The following BUB3 variants were observed in gnomAD, a reference collection of about 807,000 sequenced individuals.
The protein encoded by BUB3 is BUB3 mitotic checkpoint protein.
BUB3 carries 22 observed loss-of-function variants against 39.9 expected under a neutral mutation model. The ratio of observed to expected loss-of-function variants is 0.55; its 90% CI spans 0.39 to 0.79. The LOEUF (loss-of-function observed/expected upper bound fraction) is 0.79. Ranked by LOEUF, BUB3 falls within the 30% of genes least tolerant of loss-of-function variation. The pLI, the probability that BUB3 is intolerant of heterozygous loss-of-function variation, is 0.00. For synonymous variants in BUB3, 168 were observed against 155.1 expected, an observed-to-expected ratio of 1.08 and a Z score of -0.62; for missense variants, 303 against 415.4, an observed-to-expected ratio of 0.73 and a Z score of 2.35.
In BUB3 at chr10:123,167,790, A is replaced by G. The variant is rs955022515; in HGVS notation, c.*3955A>G. The G allele has an allele frequency of 6.6e-6, 1 of 152,180 alleles. No homozygotes were observed. The highest frequency in any genetic ancestry group is 2.4e-5 in the African/African-American group (1 of 41,438). The allele number at this position is 152,180 out of a possible 1,614,324, so 9.4% of individuals were successfully genotyped here. A position where few individuals can be genotyped will look rare whatever the true frequency, so the allele number is the denominator to read the frequency against. Reference sequence around the variant, plus strand: ...AATTTCTTTATAGCTTCATGGAGGTATTTGATGAAAATTGTATATATTTAA... The same window carrying G: ...AATTTCTTTATAGCTTCATGGAGGTGTTTGATGAAAATTGTATATATTTAA... On this transcript the variant is annotated 3_prime_UTR_variant, in exon 8 of 8. Coordinates refer to ENST00000368865, the MANE Select transcript of BUB3 (RefSeq NM_004725.4).
intron 3 of BUB3, among the ~76,000 whole-genome samples, chr10:123,157,193 A>G (rs1844361130): frequency 6.6e-6 from 1 of 152,248 alleles, no homozygotes. Context: ...AACCAAGTGC[A>G]GTAATGAGAG....
Position 123,164,862 on chromosome 10 carries a change from T to A in BUB3, c.*1027T>A. On this transcript the variant is annotated 3_prime_UTR_variant, in exon 8 of 8. Transcript: ENST00000368865. Reference sequence around the variant, plus strand: ...TATTTTTGTTGTCAAACTTTAAAATTTATATTAATTTGCAAATGTATGTCT... The same window carrying A: ...TATTTTTGTTGTCAAACTTTAAAATATATATTAATTTGCAAATGTATGTCT... The A allele has an allele frequency of 7.4e-7, 1 of 1,358,770 alleles. No homozygotes were observed. Among genetic ancestry groups the A allele is most frequent in the Non-Finnish European group, 9.5e-7 (1 of 1,057,218 alleles). The allele number at this position is 1,358,770 out of a possible 1,614,324, so 84.2% of individuals were successfully genotyped here. A position where few individuals can be genotyped will look rare whatever the true frequency, so the allele number is the denominator to read the frequency against.
chr10:123,158,165 C>T (rs930421039), intron 4 of BUB3, among the ~76,000 whole-genome samples: 3 of 152,196 alleles, frequency 2.0e-5, no homozygotes, highest in Admixed American at 2.0e-4. Context: ...ACTGCCTTTT[C>T]AGAGAAGTCA....
Position 123,157,791 on chromosome 10 carries a change from GT to G in BUB3, c.329del (p.Val110GlyfsTer41). ...TGTTGAATACTGTCCAGAAGTGAAT[GT>G]GATGGTCACTGGAAGTTGGGATCAG... Reference protein sequence around the residue: ...RCVEYCPEVNVMVTGSWDQTV... With the variant: ...RCVEYCPEVNXMVTGSWDQTV... On this transcript the variant is annotated frameshift_variant, in exon 4 of 8. Transcript: ENST00000368865. LOFTEE classifies it high-confidence loss of function. 6.2e-7 allele frequency: 1 copy of G among 1,614,034 alleles called. No individual in the cohort carries two copies. Among genetic ancestry groups the G allele is most frequent in the South Asian group, 1.1e-5 (1 of 91,076 alleles).
chr10:123,162,175 TAGCA>T, intron 5 of BUB3, 57 bp from the exon 6 acceptor site: 1 of 1,485,806 alleles, frequency 6.7e-7, no homozygotes, highest in Non-Finnish European at 9.3e-7. Context: ...ATTTGGGAAT[TAGCA>T]CCTTGTTTTT....
intron 2 of BUB3, 121 bp from the exon 3 acceptor site, chr10:123,155,537 C>A: frequency 1.1e-6 from 1 of 905,526 alleles, no homozygotes. Flanking sequence ...GGTTTGTTTA[C>A]CATGAATAGT....
At chr10:123,155,562 A>G in intron 2 of BUB3, 96 bp from the exon 3 acceptor site, 1 of 1,184,176 alleles carries the variant, frequency 8.4e-7, no homozygotes, top group Non-Finnish European at 1.2e-6. Context: ...CCCAGTGCAT[A>G]TCCCGAGCAT....
At chr10:123,160,757 T>C (rs947076505) in intron 5 of BUB3, among the ~76,000 whole-genome samples, 192 bp downstream of exon 5, 3 of 152,172 alleles carry the variant, frequency 2.0e-5, no homozygotes, top group Non-Finnish European at 4.4e-5. Flanking sequence ...ACCCCCATTT[T>C]AGAGACGACC....
chr10:123,161,493 A>T (rs1489738723), intron 5 of BUB3, among the ~76,000 whole-genome samples: 1 of 152,212 alleles, frequency 6.6e-6, no homozygotes, highest in African/African-American at 2.4e-5. Flanking sequence ...TAATGCCATT[A>T]TATCTAATAT....
rs7920684 is a variant in BUB3, at chr10:123,162,854, G to A, written c.971+26G>A. The stretch of plus-strand genomic sequence containing the variant: ...GTGAGTATGCTTCACCTGTATTTGA[G>A]CCTTTTCTTGCATTCAACCCAGGAT... On this transcript the variant is annotated intron_variant, in intron 7 of 7. Transcript: ENST00000368865. The A allele has an allele frequency of 1.3e-3, 2,093 of 1,588,324 alleles. 18 individuals carry two copies. In the African/African-American group the frequency reaches 0.022, roughly 16 times the overall value.
intron 4 of BUB3, among the ~76,000 whole-genome samples, chr10:123,158,558 G>C (rs1230927711): frequency 1.3e-5 from 2 of 152,148 alleles, no homozygotes; most frequent in Admixed American, 6.5e-5. Flanking sequence ...GCAGTTTAAA[G>C]GTATCCCTCA....
chr10:123,163,418 C>A (rs971544179), intron 7 of BUB3, among the ~76,000 whole-genome samples: 1 of 152,188 alleles, frequency 6.6e-6, no homozygotes, highest in South Asian at 2.1e-4. Context: ...TACTTAATTA[C>A]CTCTACCAGG....
At position 123,165,047 on chromosome 10, in the gene BUB3, G is replaced by T. The variant is rs775715440; in HGVS notation, c.*1212G>T. ...TTGAAATGTATTTTCTTCATTGCAG[G>T]TCCACCTAATCATCCTGTGAAAGTG... On this transcript the variant is annotated 3_prime_UTR_variant, in exon 8 of 8. Transcript: ENST00000368865. The T allele has an allele frequency of 1.9e-6, 3 of 1,612,306 alleles. No individual in the cohort carries two copies. Among genetic ancestry groups the T allele is most frequent in the Non-Finnish European group, 2.5e-6 (3 of 1,179,624 alleles).
chr10:123,155,120 C>T lies in BUB3; in HGVS notation c.195+8C>T, dbSNP rs759901524. ...CTGGACTGCGCCTTCTACGTAGGTG[C>T]CCTCCCGCCCTGCTCCTGCCCTCTT... On this transcript the variant is annotated splice_region_variant and intron_variant, in intron 2 of 7. Coordinates refer to ENST00000368865, the MANE Select transcript of BUB3 (RefSeq NM_004725.4). 2.2e-5 allele frequency: 35 copies of T among 1,611,852 alleles called. No individual in the cohort carries two copies. Among genetic ancestry groups the T allele is most frequent in the Non-Finnish European group, 2.8e-5 (33 of 1,179,022 alleles).
At chr10:123,157,986 A>AG in intron 4 of BUB3, 106 bp downstream of exon 4, 3 of 1,219,520 alleles carry the variant, frequency 2.5e-6, no homozygotes, top group Non-Finnish European at 3.3e-6. Context: ...AAAAGTCAAC[A>AG]TGGGGGGAAA....
chr10:123,158,534 G>A (rs1441358597), intron 4 of BUB3, among the ~76,000 whole-genome samples: 1 of 152,168 alleles, frequency 6.6e-6, no homozygotes, highest in Non-Finnish European at 1.5e-5. Context: ...TAATTTTAAA[G>A]ATTGATTGTT....
In BUB3 at chr10:123,160,546, G is replaced by T. The variant is rs1453580755; in HGVS notation, c.557G>T (p.Arg186Leu). The T allele has an allele frequency of 6.2e-7, 1 of 1,602,102 alleles. No individual in the cohort carries two copies. Among genetic ancestry groups the T allele is most frequent in the African/African-American group, 1.3e-5 (1 of 74,134 alleles). ...CTGAAATACCAGACTCGCTGCATAC[G>T]AGCGTTTCCAAACAAGCAGGTATTG... ...SSLKYQTRCI[R>L]AFPNKQGYVL... Residue 186 changes from arginine (R) to leucine (L), a missense_variant, in exon 5 of 8, where the codon CGA becomes CTA. Arg to Leu is a moderately radical substitution (Grantham distance 102, BLOSUM62 -2). Around this residue, in one of 2 missense-constraint regions of BUB3, gnomAD observed 182 missense variants for 293.1 expected, o/e 0.62. Transcript: ENST00000368865.
At chr10:123,162,044 C>T (rs1201957322) in intron 5 of BUB3, among the ~76,000 whole-genome samples, 192 bp from the exon 6 acceptor site, 1 of 152,186 alleles carries the variant, frequency 6.6e-6, no homozygotes, top group East Asian at 1.9e-4. Context: ...GTGAGGAAAG[C>T]ATGTGATGAG....
At chr10:123,159,329 A>G in intron 4 of BUB3, among the ~76,000 whole-genome samples, 1 of 152,224 alleles carries the variant, frequency 6.6e-6, no homozygotes, top group East Asian at 1.9e-4. Flanking sequence ...CATATGGCTT[A>G]AGTACTGAAT....
Sources: allele counts gnomAD v4.1 joint callset (sites outside exome capture counted in the v4.1 genomes callset), GRCh38; gene constraint gnomAD v4.1.1; regional missense constraint gnomAD v4.1.1; transcripts MANE v1.5; gene names NCBI Gene and HGNC (gene_info 2026-07-23, HGNC 2026-07-21).